Variants in ANKMY1 observed in about 807,000 individuals in gnomAD.
ANKMY1 encodes the protein ankyrin repeat and MYND domain containing 1, also known as ankyrin repeat and MYND domain-containing protein 1.
ANKMY1 carries 98 observed loss-of-function variants against 102.0 expected under a neutral mutation model. The observed-to-expected ratio is 0.96, with a 90% CI of 0.82 to 1.14. The LOEUF is 1.14. Among genes scored for constraint, ANKMY1 ranks in the 50% most tolerant of loss-of-function variants. ANKMY1 has a pLI of 0.00. For missense variants in ANKMY1, 1,330 were observed against 1,347.6 expected, an observed-to-expected ratio of 0.99 and a Z score of 0.20; for synonymous variants, 582 against 559.9, an observed-to-expected ratio of 1.04 and a Z score of -0.56.
downstream of ANKMY1, among the ~76,000 whole-genome samples, chr2:240,478,455 C>T (rs969868225): frequency 6.6e-6 from 1 of 152,156 alleles, no homozygotes; most frequent in Non-Finnish European, 1.5e-5. Flanking sequence ...ACCCAGCATC[C>T]CAGACCCCCC....
At position 240,500,107 on chromosome 2, in the gene ANKMY1, CG is replaced by C; in HGVS notation, c.2656del (p.Arg886AlafsTer7). The C allele has an allele frequency of 6.2e-7, 1 of 1,605,548 alleles. No individual in the cohort carries two copies. Among genetic ancestry groups the C allele is most frequent in the Non-Finnish European group, 8.5e-7 (1 of 1,176,394 alleles). ...FRFFQDRRIA[R>X]CPFHTLMPAE... ...TGGCATCAGCGTGTGGAAGGGGCAGCGGGCAATCCTCCGGTCCTGCGGCACA... is the reference window on the plus strand; with the variant it reads ...TGGCATCAGCGTGTGGAAGGGGCAGCGGCAATCCTCCGGTCCTGCGGCACA... On this transcript the variant is annotated frameshift_variant, in exon 15 of 18. Transcript: ENST00000401804. LOFTEE classifies it high-confidence loss of function.
chr2:240,511,828 C>A, intron 11 of ANKMY1, 33 bp downstream of exon 11: 4 of 1,554,612 alleles, frequency 2.6e-6, no homozygotes, highest in Non-Finnish European at 3.4e-6. Flanking sequence ...GCTGGGCAGC[C>A]CTGTGCCCCC....
intron 5 of ANKMY1, chr2:240,527,200 A>C (rs1233338087): frequency 6.8e-6 from 1 of 146,400 alleles, no homozygotes; most frequent in Non-Finnish European, 1.4e-5. Flanking sequence ...GGGTGGATGA[A>C]TGGGTGCCGC....
chr2:240,508,753 T>C (rs550980563), intron 12 of ANKMY1, among the ~76,000 whole-genome samples: 111 of 114,876 alleles, frequency 9.7e-4, no homozygotes, highest in African/African-American at 3.8e-3. Flanking sequence ...AGTTAAATGA[T>C]AGATGGATGA....
In ANKMY1 at chr2:240,499,345, T is replaced by G. The variant is rs1574965168; in HGVS notation, c.2806+613A>C. ...GAGGGTGGGAACATGAGGGGGTATG[T>G]GGGGGTGGGGGTGAGTAGGTGGGTG... On this transcript the variant is annotated intron_variant, in intron 15 of 17. Transcript: ENST00000401804. The surrounding 1 kb of genome is among the most constrained non-coding windows in gnomAD (Gnocchi z 4.2). Among the ~76,000 whole-genome samples, 1 of 65,452 alleles carries G rather than the reference T, an allele frequency of 1.5e-5. No individual in the cohort carries two copies. The highest frequency in any genetic ancestry group is 6.9e-4 in the East Asian group (1 of 1,450). The allele number at this position is 65,452 out of a possible 152,430, so 42.9% of individuals were successfully genotyped here.
intron 16 of ANKMY1, among the ~76,000 whole-genome samples, chr2:240,481,977 C>CCCTCATCTGCAGGGTGCATCATCTGCA (rs1413915408): frequency 6.6e-6 from 1 of 152,160 alleles, no homozygotes; most frequent in Non-Finnish European, 1.5e-5. Flanking sequence ...TGACTCTGCA[C>CCCTCATCTGCAGGGTGCATCATCTGCA]CCTCATCTGC....
intron 15 of ANKMY1, among the ~76,000 whole-genome samples, chr2:240,487,383 A>G (rs2076172664): frequency 6.6e-6 from 1 of 152,196 alleles, no homozygotes. Flanking sequence ...TTATTTGCTG[A>G]TGAACATTTA....
At position 240,520,288 on chromosome 2, in the gene ANKMY1, G is replaced by C. The variant is rs191809744; in HGVS notation, c.2004+74C>G. 1,796 of 1,487,062 alleles carry C rather than the reference G, an allele frequency of 1.2e-3. 20 individuals are homozygous for C. In the African/African-American group the frequency reaches 0.022, roughly 18 times the overall value. The allele number at this position is 1,487,062 out of a possible 1,614,324, so 92.1% of individuals were successfully genotyped here. A position where few individuals can be genotyped will look rare whatever the true frequency, so the allele number is the denominator to read the frequency against. On this transcript the variant is annotated intron_variant, in intron 9 of 17. Transcript: ENST00000401804. This position sits in a 1 kb window ranked among gnomAD's most constrained non-coding sequence, Gnocchi z 4.8. Reference sequence around the variant, plus strand: ...CACCCCTCTCTTCCGCGCCTAGGTGGAGCGAGGAGCTTCCCGGCCAGTGCC... The same window carrying C: ...CACCCCTCTCTTCCGCGCCTAGGTGCAGCGAGGAGCTTCCCGGCCAGTGCC...
intron 9 of ANKMY1, among the ~76,000 whole-genome samples, chr2:240,513,469 C>G (rs1461080224): frequency 2.6e-5 from 4 of 152,374 alleles, no homozygotes; most frequent in Non-Finnish European, 5.9e-5. Context: ...AGGGAGAGCC[C>G]GGCTGAGAAT....
At chr2:240,549,114 A>G (rs1176719827) in intron 4 of ANKMY1, among the ~76,000 whole-genome samples, 2 of 151,904 alleles carry the variant, frequency 1.3e-5, no homozygotes, top group South Asian at 2.1e-4. Context: ...ACTTCAAACT[A>G]TACTACAAGG....
chr2:240,500,162 C>G (rs779427285), intron 14 of ANKMY1, 39 bp from the exon 15 acceptor site: 3 of 1,532,074 alleles, frequency 2.0e-6, no homozygotes, highest in Non-Finnish European at 2.6e-6. Flanking sequence ...GGTCCCGGGC[C>G]CGCCCCTCAC....
intron 17 of ANKMY1, 74 bp downstream of exon 17, chr2:240,480,863 C>A: frequency 6.6e-7 from 1 of 1,516,974 alleles, no homozygotes; most frequent in Non-Finnish European, 8.9e-7. Context: ...GTGCCCCTCA[C>A]CAGCACCCCA....
At chr2:240,468,708 T>C in the ANKMY1 span, among the ~76,000 whole-genome samples, 95,801 of 152,060 alleles carry the variant, frequency 0.63, 31,057 homozygotes, top group African/African-American at 0.78. Context: ...TAACATTGCG[T>C]TTCCATCATC....
At chr2:240,507,924 C>G (rs1037826358) in intron 12 of ANKMY1, 3 of 411,938 alleles carry the variant, frequency 7.3e-6, no homozygotes, top group Admixed American at 4.6e-5. Flanking sequence ...TAGGGAGGAG[C>G]TGGAACTCCA....
intron 1 of ANKMY1, 143 bp downstream of exon 1, chr2:240,557,738 C>T: frequency 2.2e-6 from 1 of 452,388 alleles, no homozygotes. Flanking sequence ...AGACGCCGCG[C>T]CCACCTAACC....
At chr2:240,509,834 C>T (rs138349130) in intron 11 of ANKMY1, among the ~76,000 whole-genome samples, 35 of 152,152 alleles carry the variant, frequency 2.3e-4, no homozygotes, top group Admixed American at 4.6e-4. Context: ...CCTCCTCCAC[C>T]AGGGCTCAGT....
At position 240,479,675 on chromosome 2, in the gene ANKMY1, G is replaced by A. The variant is rs1163324817; in HGVS notation, c.3047-20C>T. ...GTGTCACTGGAGGAGGAAAAGGTGT[G>A]GGGGAGGGGGAAGAGGGGGCTGGAG... On this transcript the variant is annotated intron_variant, in intron 17 of 17. Coordinates refer to ENST00000401804, the MANE Select transcript of ANKMY1 (RefSeq NM_001282771.3). 2.5e-6 allele frequency: 4 copies of A among 1,611,802 alleles called. No homozygotes were observed. Among genetic ancestry groups the A allele is most frequent in the South Asian group, 2.2e-5 (2 of 91,058 alleles).
the ANKMY1 span, among the ~76,000 whole-genome samples, chr2:240,468,808 G>A: frequency 1.6e-4 from 25 of 152,202 alleles, no homozygotes; most frequent in South Asian, 4.2e-3. Flanking sequence ...GGGCACCCCA[G>A]GAGGGAGATG....
In ANKMY1 at chr2:240,529,155, G is replaced by A; in HGVS notation, c.835C>T (p.Leu279=). The change falls in exon 5 of 18, where the codon CTG becomes TTG. Residue 279 remains leucine, a synonymous_variant. Coordinates refer to ENST00000401804, the MANE Select transcript of ANKMY1 (RefSeq NM_001282771.3). The surrounding 1 kb of genome is among the most constrained non-coding windows in gnomAD (Gnocchi z 4.2). ...TCATTGAGGAAGATGCGGGCGTCCAGCTCTTTGCGGAAAGAGCTTGTCATG... is the reference window on the plus strand; with the variant it reads ...TCATTGAGGAAGATGCGGGCGTCCAACTCTTTGCGGAAAGAGCTTGTCATG... ...LPMTSSFRKE[L]DARIFLNEIP... 1 of 1,614,190 alleles carries A rather than the reference G, an allele frequency of 6.2e-7. No individual in the cohort carries two copies. The highest frequency in any genetic ancestry group is 1.1e-5 in the South Asian group (1 of 91,086).
Sources: gnomAD v4.1 joint callset for allele counts (sites outside exome capture counted in the v4.1 genomes callset) on GRCh38, gnomAD v4.1.1 for gene constraint, Gnocchi (gnomAD v3.1) non-coding constraint, MANE v1.5 for transcripts, NCBI Gene and HGNC (gene_info 2026-07-23, HGNC 2026-07-21) for gene names.